Variants in SH3KBP1 observed in about 807,000 individuals in gnomAD.
SH3KBP1 encodes the protein SH3 domain-containing kinase-binding protein 1.
Under a neutral mutation model 50.1 loss-of-function variants are expected in SH3KBP1, and 8 were observed. The observed-to-expected ratio is 0.16, with a 90% CI of 0.09 to 0.29. SH3KBP1 has a LOEUF of 0.29. SH3KBP1 is among the 10% of genes least tolerant of loss of function. SH3KBP1 has a pLI of 1.00. For missense variants in SH3KBP1, 377 were observed against 535.2 expected (o/e 0.70, Z 2.92); for synonymous variants, 227 against 218.6 (o/e 1.04, Z -0.34).
intron 6 of SH3KBP1, among the ~76,000 whole-genome samples, chrX:19,673,843 C>G (rs778882832): frequency 1.5e-4 from 17 of 111,513 alleles, no homozygotes; most frequent in Middle Eastern, 4.6e-3. Context: ...CCTCCACTAC[C>G]ACCACCACAG....
intron 9 of SH3KBP1, among the ~76,000 whole-genome samples, chrX:19,599,300 AT>A (rs1248219054): frequency 8.9e-6 from 1 of 112,305 alleles, no homozygotes; most frequent in African/African-American, 3.2e-5. Flanking sequence ...GAAAAAAAAA[AT>A]CCCTTTAATG....
chrX:19,687,347 T>C (rs1033241882), intron 5 of SH3KBP1, among the ~76,000 whole-genome samples: 3 of 112,597 alleles, frequency 2.7e-5, no homozygotes, highest in Admixed American at 1.9e-4. Context: ...ACTGCTCCTT[T>C]GTTTGCACGT....
At chrX:19,776,046 C>T (rs942845240) in intron 2 of SH3KBP1, among the ~76,000 whole-genome samples, 1 of 111,395 alleles carries the variant, frequency 9.0e-6, no homozygotes, top group African/African-American at 3.3e-5. Context: ...ATGTGACTAG[C>T]CCAAAGGACA....
intron 9 of SH3KBP1, among the ~76,000 whole-genome samples, chrX:19,602,945 T>G (rs969943248): frequency 1.8e-5 from 2 of 111,514 alleles, no homozygotes; most frequent in African/African-American, 6.5e-5. Context: ...TTGCAAAAGT[T>G]TGGAACCTGC....
intron 3 of SH3KBP1, among the ~76,000 whole-genome samples, chrX:19,709,757 AC>A (rs1294137357): frequency 8.9e-6 from 1 of 111,988 alleles, no homozygotes; most frequent in Non-Finnish European, 1.9e-5. Flanking sequence ...CACCTGACCT[AC>A]AACCCAGTTC....
At chrX:19,577,406 C>T (rs907116949) in intron 12 of SH3KBP1, among the ~76,000 whole-genome samples, 8 of 111,611 alleles carry the variant, frequency 7.2e-5, no homozygotes, top group Admixed American at 2.9e-4. Flanking sequence ...TGTGTCACCC[C>T]GGCTCACTGC....
intron 1 of SH3KBP1, among the ~76,000 whole-genome samples, chrX:19,841,927 G>C (rs1447542363): frequency 2.5e-5 from 2 of 78,735 alleles, no homozygotes; most frequent in African/African-American, 4.8e-5. Flanking sequence ...GGTGGGGGGG[G>C]GCTCTTTTTT....
intron 3 of SH3KBP1, among the ~76,000 whole-genome samples, chrX:19,730,872 G>C (rs1026330761): frequency 4.5e-5 from 5 of 112,004 alleles, no homozygotes; most frequent in Non-Finnish European, 7.5e-5. Flanking sequence ...AAAGGGAAGA[G>C]TACACATCTA....
At chrX:19,793,775 G>A (rs950174863) in intron 2 of SH3KBP1, among the ~76,000 whole-genome samples, 1 of 110,970 alleles carries the variant, frequency 9.0e-6, no homozygotes, top group South Asian at 3.9e-4. Flanking sequence ...AACATAAAGA[G>A]TGGTTTTCCT....
chrX:19,702,190 C>G (rs2063549741), intron 4 of SH3KBP1, among the ~76,000 whole-genome samples: 1 of 112,078 alleles, frequency 8.9e-6, no homozygotes, highest in Non-Finnish European at 1.9e-5. Flanking sequence ...CTTAACAGGT[C>G]AGAACTTCAG....
At chrX:19,622,456 T>A (rs1429149771) in intron 8 of SH3KBP1, among the ~76,000 whole-genome samples, 1 of 112,446 alleles carries the variant, frequency 8.9e-6, no homozygotes, top group Non-Finnish European at 1.9e-5. Flanking sequence ...GAGCAATTTA[T>A]CATCAGGAAA....
intron 4 of SH3KBP1, among the ~76,000 whole-genome samples, chrX:19,698,930 T>C (rs2063483723): frequency 1.8e-5 from 2 of 111,919 alleles, no homozygotes; most frequent in Admixed American, 9.4e-5. Context: ...AGAGACATTA[T>C]TGGGAAAAAT....
chrX:19,564,772 C>T (rs2065788354), intron 13 of SH3KBP1, among the ~76,000 whole-genome samples: 1 of 112,015 alleles, frequency 8.9e-6, no homozygotes, highest in Non-Finnish European at 1.9e-5. Flanking sequence ...GTTCCTAACA[C>T]AGACTGGGCT....
chrX:19,726,174 T>C (rs752848498), intron 3 of SH3KBP1, among the ~76,000 whole-genome samples: 4 of 111,287 alleles, frequency 3.6e-5, no homozygotes, highest in African/African-American at 6.5e-5. Context: ...GAGGGGCAAA[T>C]AGAAGCACAA....
rs1163326580 is a variant in SH3KBP1 at position 19,608,007 on chromosome X, G to A, written c.936C>T (p.Asn312=). 7 of 1,211,098 alleles carry A rather than the reference G, an allele frequency of 5.8e-6. No individual in the cohort carries two copies. Among genetic ancestry groups the A allele is most frequent in the South Asian group, 3.5e-5 (2 of 56,813 alleles). ...IDVGWWEGEL[N]GRRGVFPDNF... ...TATCGGGGAACACGCCTCGTCTGCC[G>A]TTCAGCTCTCCTTCCCACCAGCCTA... is the stretch of plus-strand genomic sequence containing the variant. Residue 312 remains asparagine, a synonymous_variant, in exon 9 of 18, where the codon AAC becomes AAT. Coordinates refer to ENST00000397821, the MANE Select transcript of SH3KBP1 (RefSeq NM_031892.3).
At chrX:19,879,937 C>T (rs912878036) in intron 1 of SH3KBP1, among the ~76,000 whole-genome samples, 8 of 112,242 alleles carry the variant, frequency 7.1e-5, no homozygotes, top group South Asian at 3.7e-4. Context: ...TGTGGTGGTG[C>T]GGGGGGCGGC....
At chrX:19,858,029 A>C (rs1328803925) in intron 1 of SH3KBP1, among the ~76,000 whole-genome samples, 1 of 108,241 alleles carries the variant, frequency 9.2e-6, no homozygotes, top group Non-Finnish European at 1.9e-5. Flanking sequence ...AAACACAAAA[A>C]TTAGCTGGGT....
At chrX:19,814,334 C>T (rs1435532694) in intron 2 of SH3KBP1, among the ~76,000 whole-genome samples, 2 of 111,383 alleles carry the variant, frequency 1.8e-5, no homozygotes, top group African/African-American at 6.5e-5. Flanking sequence ...TTTCTCAACA[C>T]GGCAGCCAGA....
intron 5 of SH3KBP1, among the ~76,000 whole-genome samples, chrX:19,689,689 T>C (rs2063241260): frequency 8.9e-6 from 1 of 112,237 alleles, no homozygotes; most frequent in Non-Finnish European, 1.9e-5. Context: ...GGAAATAGTA[T>C]ACTGTCACTG....
Sources: allele counts gnomAD v4.1 joint callset (sites outside exome capture counted in the v4.1 genomes callset), GRCh38; gene constraint gnomAD v4.1.1; transcripts MANE v1.5; gene names NCBI Gene and HGNC (gene_info 2026-07-23, HGNC 2026-07-21).